Variants in ACSM3 observed in about 807,000 individuals in gnomAD.
The protein encoded by ACSM3 is acyl-CoA synthetase medium chain family member 3.
Under a neutral mutation model 74.1 loss-of-function variants are expected in ACSM3, and 61 were observed. The ratio of observed to expected loss-of-function variants is 0.82; its 90% confidence interval spans 0.67 to 1.02. The LOEUF (loss-of-function observed/expected upper bound fraction) is 1.02. Ranked by LOEUF, ACSM3 falls within the 50% of genes least tolerant of loss-of-function variation. The pLI, the probability that ACSM3 is intolerant of heterozygous loss-of-function variation, is 0.00. For synonymous variants in ACSM3, 213 were observed against 241.5 expected (o/e 0.88, Z 1.09); for missense variants, 660 against 697.0 (o/e 0.95, Z 0.60).
intron 1 of ACSM3, chr16:20,737,623 C>T (rs1019815341): frequency 3.6e-6 from 5 of 1,371,500 alleles, no homozygotes; most frequent in Admixed American, 4.9e-5. Flanking sequence ...AAAATGTAAG[C>T]CTTAAATCTT....
intron 1 of ACSM3, among the ~76,000 whole-genome samples, chr16:20,724,288 T>A (rs2079796944): frequency 6.6e-6 from 1 of 152,222 alleles, no homozygotes; most frequent in East Asian, 1.9e-4. Flanking sequence ...ATCACATGAT[T>A]ATCTCAATAG....
At chr16:20,690,086 A>G (rs1316601660) in intron 1 of ACSM3, among the ~76,000 whole-genome samples, 1 of 152,254 alleles carries the variant, frequency 6.6e-6, no homozygotes, top group East Asian at 1.9e-4. Flanking sequence ...GTTACTATGC[A>G]AATTCAGAGA....
At position 20,796,403 on chromosome 16, in the gene ACSM3, T is replaced by G. The variant is rs747665704; in HGVS notation, c.1588T>G (p.Tyr530Asp). 17 of 1,613,742 alleles carry G rather than the reference T, an allele frequency of 1.1e-5. No individual in the cohort carries two copies. The highest frequency in any genetic ancestry group is 1.3e-5 in the African/African-American group (1 of 74,996). The change falls in exon 13 of 14, where the codon TAC (tyrosine) becomes GAC (aspartate). Residue 530 changes from tyrosine (Y) to aspartate (D), a missense_variant. Coordinates refer to ENST00000289416, the MANE Select transcript of ACSM3 (RefSeq NM_005622.4). Reference sequence around the variant, plus strand: ...GGCTTTTGTCGTTCTAAATCCTGATTACAAGTCACATGATCAAGAACAACT... The same window carrying G: ...GGCTTTTGTCGTTCTAAATCCTGATGACAAGTCACATGATCAAGAACAACT... Reference protein sequence around the residue: ...VKAFVVLNPDYKSHDQEQLIK... With the variant: ...VKAFVVLNPDDKSHDQEQLIK...
rs548764197 is a variant in ACSM3 at position 20,738,477 on chromosome 16, G to A, written c.-189-11433G>A. Among the ~76,000 whole-genome samples, 5 of 152,228 alleles carry A rather than the reference G, an allele frequency of 3.3e-5. No individual in the cohort carries two copies. In the South Asian group the frequency reaches 6.2e-4, roughly 19 times the overall value. On this transcript the variant is annotated intron_variant, in intron 1 of 3. Coordinates refer to the ACSM3 transcript ENST00000561584. ...CAGGCTGCAACTTGCCTACATACAA[G>A]TATATTTGGGGCTGCTCCGAAAATT...
At chr16:20,734,405 C>A (rs1008593627) in intron 1 of ACSM3, 11 of 152,584 alleles carry the variant, frequency 7.2e-5, no homozygotes, top group Non-Finnish European at 1.3e-4. Flanking sequence ...TATTAACATT[C>A]TAAATATGTA....
chr16:20,690,925 G>A, intron 1 of ACSM3: 2 of 1,471,340 alleles, frequency 1.4e-6, no homozygotes, highest in South Asian at 2.5e-5. Flanking sequence ...ATACCTTTCA[G>A]CCTAGTAGGA....
In ACSM3 at chr16:20,796,925, A is replaced by T. The variant is rs959223632; in HGVS notation, c.1714A>T (p.Lys572Ter). Residue 572 changes from lysine (K) to a stop codon, truncating the protein, a stop_gained, in exon 14 of 14, where the codon AAG (lysine) becomes TAG (stop). Transcript: ENST00000289416. LOFTEE classifies it high-confidence loss of function. ...AGAGCTGCCAAAGACTATCAGTGGG[A>T]AGACAAAAAGAAATGAACTGAGGAA... ...IQELPKTISGKTKRNELRKKE... is the reference protein window; with the variant it reads ...IQELPKTISG The T allele has an allele frequency of 1.2e-6, 2 of 1,613,166 alleles. No individual in the cohort carries two copies. Among genetic ancestry groups the T allele is most frequent in the Non-Finnish European group, 1.7e-6 (2 of 1,179,572 alleles).
At chr16:20,710,104 C>A (rs1212902237) in intron 1 of ACSM3, among the ~76,000 whole-genome samples, 9 of 152,196 alleles carry the variant, frequency 5.9e-5, no homozygotes, top group Admixed American at 5.2e-4. Flanking sequence ...CTGCAATTAA[C>A]TGGTACTTTA....
intron 1 of ACSM3, chr16:20,766,524 C>A (rs1446063522): frequency 1.3e-5 from 2 of 152,120 alleles, no homozygotes; most frequent in East Asian, 1.9e-4. Flanking sequence ...GAGTTTGAGA[C>A]CAGCCTGGGC....
chr16:20,764,774 T>C (rs2080108634), intron 1 of ACSM3: 1 of 152,178 alleles, frequency 6.6e-6, no homozygotes, highest in Non-Finnish European at 1.5e-5. Context: ...TCTGCTTAGC[T>C]CCCCACCTTG....
intron 1 of ACSM3, among the ~76,000 whole-genome samples, chr16:20,748,366 G>T (rs1367412624): frequency 1.3e-5 from 2 of 152,062 alleles, no homozygotes; most frequent in South Asian, 2.1e-4. Flanking sequence ...AATTGATTAA[G>T]AATATATTTT....
At chr16:20,733,429 T>A (rs1459538885) in intron 1 of ACSM3, among the ~76,000 whole-genome samples, 3 of 152,118 alleles carry the variant, frequency 2.0e-5, no homozygotes, top group African/African-American at 7.2e-5. Context: ...GTGAATTTAA[T>A]GAAAGTAAGT....
intron 1 of ACSM3, among the ~76,000 whole-genome samples, chr16:20,744,167 C>G (rs763583584): frequency 6.6e-6 from 1 of 152,300 alleles, no homozygotes; most frequent in Middle Eastern, 3.4e-3. Context: ...CTATTGTTAG[C>G]ATTAGTATAT....
intron 1 of ACSM3, chr16:20,676,120 C>G (rs1051101674): frequency 6.6e-6 from 1 of 152,256 alleles, no homozygotes; most frequent in Non-Finnish European, 1.5e-5. Flanking sequence ...GGCTCCCAGT[C>G]TCACCTGAGA....
chr16:20,786,326 T>A, intron 9 of ACSM3, 168 bp downstream of exon 9: 1 of 1,336,868 alleles, frequency 7.5e-7, no homozygotes, highest in Non-Finnish European at 9.9e-7. Flanking sequence ...GTTAGCTTCT[T>A]GGTCTCCATT....
At position 20,741,609 on chromosome 16, in the gene ACSM3, T is replaced by C. The variant is rs1271448072; in HGVS notation, c.-189-8301T>C. The C allele has an allele frequency of 8.3e-6, 13 of 1,573,856 alleles. No individual in the cohort carries two copies. Among genetic ancestry groups the C allele is most frequent in the South Asian group, 3.5e-5 (3 of 86,166 alleles). On this transcript the variant is annotated intron_variant, in intron 1 of 3. Coordinates refer to the ACSM3 transcript ENST00000561584. ...CATATTGCAGGTGATGAGGATGCCC[T>C]GTAGCCCGGGCTCTAGCTGACGGGG...
chr16:20,755,014 C>T (rs1220502205), intron 2 of ACSM3, among the ~76,000 whole-genome samples: 1 of 152,112 alleles, frequency 6.6e-6, no homozygotes, highest in Non-Finnish European at 1.5e-5. Context: ...AAGCAGGGAA[C>T]AGGCCAGTGT....
intron 1 of ACSM3, among the ~76,000 whole-genome samples, chr16:20,678,831 A>C (rs146651577): frequency 2.5e-3 from 376 of 152,356 alleles, no homozygotes; most frequent in African/African-American, 8.2e-3. Context: ...AGGTAGGATC[A>C]GGTCTTGCCC....
At chr16:20,742,080 T>C in intron 1 of ACSM3, 1 of 1,311,134 alleles carries the variant, frequency 7.6e-7, no homozygotes, top group Non-Finnish European at 9.8e-7. Context: ...TTGGTACCTG[T>C]TCCTCCAGCC....
Sources: allele counts gnomAD v4.1 joint callset (sites outside exome capture counted in the v4.1 genomes callset), GRCh38; gene constraint gnomAD v4.1.1; transcripts MANE v1.5; gene names NCBI Gene and HGNC (gene_info 2026-07-23, HGNC 2026-07-21).